GNAI1: variants seen among roughly 807,000 people sequenced by gnomAD.
GNAI1 encodes guanine nucleotide-binding protein G(i) subunit alpha-1.
Under a neutral mutation model 38.9 loss-of-function variants are expected in GNAI1, and 11 were observed. The observed-to-expected ratio is 0.28, with a 90% CI of 0.18 to 0.47. GNAI1 has a LOEUF of 0.47. Ranked by LOEUF, GNAI1 falls within the 20% of genes least tolerant of loss-of-function variation. The probability of loss-of-function intolerance (pLI) is 0.99; values close to 1 mark genes in which losing one functional copy is unlikely to be tolerated. For synonymous variants in GNAI1, 166 were observed against 145.1 expected, an observed-to-expected ratio of 1.14 and a Z score of -1.04; for missense variants, 317 against 436.9, an observed-to-expected ratio of 0.73 and a Z score of 2.45.
Position 80,176,916 on chromosome 7 carries a change from G to A in GNAI1, c.119-12035G>A, listed in dbSNP as rs376334699. 1.6e-4 allele frequency among the ~76,000 whole-genome samples: 20 copies of A among 123,356 alleles called. No individual in the cohort carries two copies. The South Asian group carries it at 5.1e-3, about 32-fold the overall frequency. 80.9% of individuals were successfully genotyped at this position (123,356 alleles called of 152,430 possible). ...CACGCCACCGCACTCTAGCCTGGGC[G>A]ACAAGGGGAGACTCTGTCTCAAAAA... On this transcript the variant is annotated intron_variant, in intron 1 of 7. Transcript: ENST00000649796.
At position 80,218,779 on chromosome 7, in the gene GNAI1, G is replaced by A. The variant is rs1232376495; in HGVS notation, c.*1286G>A. ...TTACACTTAGAAAATGAGTAATAGT[G>A]TTTAATAAGTCAGTGATTATATGTG... On this transcript the variant is annotated 3_prime_UTR_variant, in exon 8 of 8. Coordinates refer to ENST00000649796, the MANE Select transcript of GNAI1 (RefSeq NM_002069.6). 6.6e-6 allele frequency: 1 copy of A among 152,016 alleles called. No homozygotes were observed. The highest frequency in any genetic ancestry group is 1.5e-5 in the Non-Finnish European group (1 of 68,008). 9.4% of individuals were successfully genotyped at this position (152,016 alleles called of 1,614,324 possible).
At chr7:80,174,971 C>T (rs10271581) in intron 1 of GNAI1, among the ~76,000 whole-genome samples, 1 of 152,126 alleles carries the variant, frequency 6.6e-6, no homozygotes, top group Admixed American at 6.6e-5. Context: ...TTTAATATTC[C>T]ATGTGACCAA....
At chr7:80,200,340 A>AAAAAAAAAAAAC (rs1554351824) in intron 4 of GNAI1, among the ~76,000 whole-genome samples, 24 of 150,130 alleles carry the variant, frequency 1.6e-4, no homozygotes, top group Non-Finnish European at 3.1e-4. Flanking sequence ...AAAAAAAAAA[A>AAAAAAAAAAAAC]AAAAAAACCT....
chr7:80,156,487 G>A (rs1032156846), intron 1 of GNAI1, among the ~76,000 whole-genome samples: 2 of 151,518 alleles, frequency 1.3e-5, no homozygotes, highest in Admixed American at 6.6e-5. Context: ...GGAGTGCAGC[G>A]GTGCAACCAT....
intron 1 of GNAI1, among the ~76,000 whole-genome samples, chr7:80,173,973 C>T (rs1344765871): frequency 6.6e-6 from 1 of 151,922 alleles, no homozygotes; most frequent in Non-Finnish European, 1.5e-5. Flanking sequence ...TTTTAGGGCC[C>T]ACGTTGATAA....
At chr7:80,198,773 A>G (rs555991309) in intron 3 of GNAI1, among the ~76,000 whole-genome samples, 1 of 152,208 alleles carries the variant, frequency 6.6e-6, no homozygotes. Flanking sequence ...ACTATAAGGT[A>G]TATCAGAAAG....
chr7:80,210,981 G>C lies in GNAI1; in HGVS notation c.603G>C (p.Val201=), dbSNP rs746760798. The C allele has an allele frequency of 6.2e-7, 1 of 1,612,880 alleles. No individual in the cohort carries two copies. Residue 201 remains valine, a synonymous_variant, in exon 6 of 8, where the codon GTG becomes GTC. Transcript: ENST00000649796. ...FKDLHFKMFD[V]GGQRSERKKW... is the part of the protein sequence containing the mutation. ...CTCCTCTTAACAGAATGTTTGATGTGGGAGGTCAGAGATCTGAGCGGAAGA... is the reference window on the plus strand; with the variant it reads ...CTCCTCTTAACAGAATGTTTGATGTCGGAGGTCAGAGATCTGAGCGGAAGA...
intron 1 of GNAI1, among the ~76,000 whole-genome samples, chr7:80,140,034 A>G (rs941345083): frequency 7.1e-6 from 1 of 141,202 alleles, no homozygotes; most frequent in Non-Finnish European, 1.5e-5. Context: ...CCCAGGCTGG[A>G]GTGCAGTGGC....
intron 1 of GNAI1, among the ~76,000 whole-genome samples, chr7:80,157,005 A>G (rs748158177): frequency 1.3e-5 from 2 of 152,222 alleles, no homozygotes; most frequent in Non-Finnish European, 2.9e-5. Context: ...TACCCTTGGT[A>G]GTGTACATTC....
intron 3 of GNAI1, among the ~76,000 whole-genome samples, chr7:80,191,548 C>T (rs1218680950): frequency 1.3e-5 from 2 of 152,034 alleles, no homozygotes; most frequent in Admixed American, 6.6e-5. Context: ...TATGCCACCA[C>T]ACCTGGCTAA....
intron 1 of GNAI1, among the ~76,000 whole-genome samples, chr7:80,161,073 A>G (rs939117260): frequency 1.1e-4 from 16 of 152,176 alleles, no homozygotes; most frequent in African/African-American, 3.9e-4. Flanking sequence ...GTGAATCCTC[A>G]AAAAGAAAGT....
chr7:80,158,675 T>G (rs1413085806), intron 1 of GNAI1, among the ~76,000 whole-genome samples: 2 of 152,306 alleles, frequency 1.3e-5, no homozygotes, highest in East Asian at 1.9e-4. Flanking sequence ...ACCTCTTTCC[T>G]TTATAAGTTA....
intron 1 of GNAI1, among the ~76,000 whole-genome samples, chr7:80,142,862 A>G (rs1230201142): frequency 2.1e-5 from 3 of 144,216 alleles, no homozygotes; most frequent in African/African-American, 7.6e-5. Flanking sequence ...AATAAGTGGT[A>G]GAGTGAAATG....
chr7:80,184,768 C>T lies in GNAI1; in HGVS notation c.119-4183C>T, dbSNP rs559233109. ...CCTGGTCAGGTGGAACCCTCTCCTG[C>T]CCTGCTCATGCCTGACTAGCTACCT... On this transcript the variant is annotated intron_variant, in intron 1 of 7. Coordinates refer to ENST00000649796, the MANE Select transcript of GNAI1 (RefSeq NM_002069.6). 7.9e-5 allele frequency among the ~76,000 whole-genome samples: 12 copies of T among 152,292 alleles called. No individual in the cohort carries two copies. In the South Asian group the frequency reaches 2.5e-3, roughly 32 times the overall value.
intron 1 of GNAI1, among the ~76,000 whole-genome samples, chr7:80,162,477 C>A (rs17153507): frequency 0.012 from 1,836 of 152,288 alleles, 17 homozygotes; most frequent in East Asian, 0.045. Context: ...AGGTACACAG[C>A]TGTATGGCAA....
intron 3 of GNAI1, among the ~76,000 whole-genome samples, chr7:80,191,442 A>T (rs1381164901): frequency 2.0e-5 from 3 of 152,130 alleles, no homozygotes; most frequent in Non-Finnish European, 4.4e-5. Flanking sequence ...CCCAGGCTGG[A>T]GTACAGTGGT....
chr7:80,176,500 C>G (rs1243677812), intron 1 of GNAI1, among the ~76,000 whole-genome samples: 1 of 152,190 alleles, frequency 6.6e-6, no homozygotes, highest in Non-Finnish European at 1.5e-5. Flanking sequence ...CTAGGACATT[C>G]ATAGCTAGAG....
At chr7:80,169,693 T>C (rs920835626) in intron 1 of GNAI1, among the ~76,000 whole-genome samples, 1 of 152,224 alleles carries the variant, frequency 6.6e-6, no homozygotes, top group Non-Finnish European at 1.5e-5. Context: ...TATTGAGATA[T>C]AATTCACCAA....
In GNAI1 at chr7:80,223,195, A is replaced by T. The variant is rs1789109009; in HGVS notation, c.*5702A>T. Among the ~76,000 whole-genome samples the T allele has an allele frequency of 6.6e-6, 1 of 152,218 alleles. No homozygotes were observed. Among genetic ancestry groups the T allele is most frequent in the East Asian group, 1.9e-4 (1 of 5,192 alleles). On this transcript the variant is annotated 3_prime_UTR_variant, in exon 8 of 8. Coordinates refer to ENST00000649796, the MANE Select transcript of GNAI1 (RefSeq NM_002069.6). ...CATAGAGTAGGACTCTTGAGAGCCT[A>T]AGGGCCACAGAAATTCCTTTTCCAA...
Sources: gnomAD v4.1 joint callset for allele counts (sites outside exome capture counted in the v4.1 genomes callset) on GRCh38, gnomAD v4.1.1 for gene constraint, MANE v1.5 for transcripts, NCBI Gene and HGNC (gene_info 2026-07-23, HGNC 2026-07-21) for gene names.